The following NPAS3 variants were observed in gnomAD, a reference collection of about 807,000 sequenced individuals.
NPAS3 encodes neuronal PAS domain-containing protein 3.
NPAS3 carries 14 observed loss-of-function variants against 73.1 expected under a neutral mutation model. That is an observed-to-expected ratio of 0.19 (90% CI 0.13 to 0.30). The LOEUF (loss-of-function observed/expected upper bound fraction) is 0.30, where lower values mean the gene tolerates loss of function less well. Ranked by LOEUF, NPAS3 falls within the 10% of genes least tolerant of loss-of-function variation. The pLI is 1.00. For missense variants in NPAS3, 1,096 were observed against 1,250.0 expected, an observed-to-expected ratio of 0.88 and a Z score of 1.86; for synonymous variants, 620 against 541.5, an observed-to-expected ratio of 1.14 and a Z score of -2.01.
intron 1 of NPAS3, among the ~76,000 whole-genome samples, chr14:32,964,776 A>G (rs1041847706): frequency 1.3e-5 from 2 of 151,624 alleles, no homozygotes; most frequent in Non-Finnish European, 2.9e-5. Flanking sequence ...TGGGTTCAAG[A>G]CCAGCTTGGG....
In NPAS3 at chr14:33,502,509, G is replaced by A. The variant is rs139485988; in HGVS notation, c.469-57612G>A. On this transcript the variant is annotated intron_variant, in intron 4 of 11. Transcript: ENST00000356141. The stretch of plus-strand genomic sequence containing the variant: ...TAGTCTTAGTTGTATCTTTGACTTC[G>A]TGTGTTTTCTTTCTCTGCCCAAAAT... 4.7e-3 allele frequency among the ~76,000 whole-genome samples: 713 copies of A among 152,000 alleles called. 7 individuals are homozygous for A. The highest frequency in any genetic ancestry group is 0.016 in the African/African-American group (650 of 41,502).
At chr14:33,490,995 C>T (rs111699726) in intron 4 of NPAS3, among the ~76,000 whole-genome samples, 5 of 152,310 alleles carry the variant, frequency 3.3e-5, no homozygotes, top group East Asian at 1.9e-4. Context: ...GCAACAGCAA[C>T]GGCAGCATCT....
chr14:33,151,374 A>G (rs1363896350), intron 2 of NPAS3, among the ~76,000 whole-genome samples: 1 of 152,232 alleles, frequency 6.6e-6, no homozygotes, highest in African/African-American at 2.4e-5. Context: ...TTAAATGTCA[A>G]CGCACAAAAG....
chr14:33,000,510 GTGCAAGTA>G (rs2038767483), intron 1 of NPAS3, among the ~76,000 whole-genome samples: 1 of 152,166 alleles, frequency 6.6e-6, no homozygotes, highest in Non-Finnish European at 1.5e-5. Context: ...TATGTATCTG[GTGCAAGTA>G]TATGAGTAGA....
At chr14:33,135,297 G>C in intron 2 of NPAS3, among the ~76,000 whole-genome samples, 1 of 152,188 alleles carries the variant, frequency 6.6e-6, no homozygotes. Context: ...AGAGATGATG[G>C]TTGTGGTAGC....
intron 4 of NPAS3, among the ~76,000 whole-genome samples, chr14:33,442,370 G>A (rs1555394310): frequency 6.6e-6 from 1 of 151,694 alleles, no homozygotes; most frequent in Non-Finnish European, 1.5e-5. Flanking sequence ...CGTGAGCCCA[G>A]GGGTTGGAAT....
At chr14:33,548,691 A>G (rs1274610944) in intron 4 of NPAS3, among the ~76,000 whole-genome samples, 1 of 152,192 alleles carries the variant, frequency 6.6e-6, no homozygotes, top group East Asian at 1.9e-4. Flanking sequence ...TTTTGTGGCA[A>G]TCTATTCCAA....
At chr14:33,740,449 G>A (rs1328463313) in intron 7 of NPAS3, among the ~76,000 whole-genome samples, 1 of 152,278 alleles carries the variant, frequency 6.6e-6, no homozygotes, top group African/African-American at 2.4e-5. Context: ...CTCAATAAAT[G>A]TTGATTTAAT....
chr14:33,760,512 G>A lies in NPAS3; in HGVS notation c.853-13825G>A, dbSNP rs369944158. 9.2e-5 allele frequency among the ~76,000 whole-genome samples: 14 copies of A among 152,218 alleles called. No homozygotes were observed. The East Asian group carries it at 1.5e-3, about 17-fold the overall frequency. ...GACACTTCAAAAACATTATTTGACC[G>A]TGTAGAGACCAGGAAAGACTAGGAC... On this transcript the variant is annotated intron_variant, in intron 7 of 11. Coordinates refer to ENST00000356141, the Ensembl canonical transcript of NPAS3.
At chr14:33,577,455 C>T (rs187118433) in intron 5 of NPAS3, among the ~76,000 whole-genome samples, 30 of 152,208 alleles carry the variant, frequency 2.0e-4, no homozygotes, top group African/African-American at 7.2e-4. Flanking sequence ...GGGGAGGTTT[C>T]AGAGCACGTT....
chr14:33,547,473 A>G (rs1249623159), intron 4 of NPAS3, among the ~76,000 whole-genome samples: 5 of 152,208 alleles, frequency 3.3e-5, no homozygotes, highest in African/African-American at 9.6e-5. Flanking sequence ...AGATGTATAA[A>G]TGAATTCAGA....
At chr14:33,535,110 C>T (rs576630468) in intron 4 of NPAS3, among the ~76,000 whole-genome samples, 5 of 152,256 alleles carry the variant, frequency 3.3e-5, no homozygotes, top group African/African-American at 1.2e-4. Context: ...GAGCCTTTAT[C>T]ATAGAACAAG....
intron 1 of NPAS3, among the ~76,000 whole-genome samples, chr14:32,980,424 T>C (rs1052631182): frequency 2.0e-5 from 3 of 152,100 alleles, no homozygotes; most frequent in African/African-American, 7.2e-5. Context: ...AAACAGAGAG[T>C]GCAGTTATAG....
At chr14:33,750,983 C>T (rs2061946717) in intron 7 of NPAS3, among the ~76,000 whole-genome samples, 1 of 152,092 alleles carries the variant, frequency 6.6e-6, no homozygotes. Flanking sequence ...AGGAAGGGAA[C>T]TCTAAACAGA....
intron 5 of NPAS3, among the ~76,000 whole-genome samples, chr14:33,562,592 G>A (rs1010475187): frequency 7.2e-5 from 11 of 152,082 alleles, no homozygotes; most frequent in South Asian, 2.1e-4. Context: ...TGATTTTTGC[G>A]TATACCAGTT....
intron 3 of NPAS3, among the ~76,000 whole-genome samples, chr14:33,364,595 A>G (rs555069541): frequency 6.6e-6 from 1 of 152,298 alleles, no homozygotes; most frequent in South Asian, 2.1e-4. Flanking sequence ...AGATACTTGT[A>G]TATTATGCTA....
At chr14:33,545,189 A>G (rs1009774649) in intron 4 of NPAS3, among the ~76,000 whole-genome samples, 10 of 152,070 alleles carry the variant, frequency 6.6e-5, no homozygotes, top group African/African-American at 2.2e-4. Context: ...AGACATGACT[A>G]TTGAGTTTTT....
rs574902192 is a variant in NPAS3 at position 33,751,974 on chromosome 14, G to A, written c.852+16642G>A. 5.2e-4 allele frequency among the ~76,000 whole-genome samples: 79 copies of A among 152,152 alleles called. No homozygotes were observed. In the South Asian group the frequency reaches 0.015, roughly 30 times the overall value. On this transcript the variant is annotated intron_variant, in intron 7 of 11. Coordinates refer to ENST00000356141, the Ensembl canonical transcript of NPAS3. The stretch of plus-strand genomic sequence containing the variant: ...GTGTTTTTTAAAAAAATCAAATACA[G>A]TATATGACTACTAGATTTTCAATAG...
chr14:33,586,125 T>G (rs1052348624), intron 5 of NPAS3: 1 of 151,816 alleles, frequency 6.6e-6, no homozygotes, highest in African/African-American at 2.4e-5. Flanking sequence ...CTCAGGTGCT[T>G]TATTTTCTCT....
Sources: allele counts gnomAD v4.1 joint callset (sites outside exome capture counted in the v4.1 genomes callset), GRCh38; gene constraint gnomAD v4.1.1; transcripts MANE v1.5; gene names NCBI Gene and HGNC (gene_info 2026-07-23, HGNC 2026-07-21).